NAALADL2: variants seen among roughly 807,000 people sequenced by gnomAD.
NAALADL2 encodes inactive N-acetylated-alpha-linked acidic dipeptidase-like protein 2.
In NAALADL2, 76 loss-of-function variants were observed where a neutral mutation model predicts 87.2. The observed-to-expected ratio is 0.87, with a 90% CI of 0.72 to 1.05. The LOEUF is 1.05. Among genes scored for constraint, NAALADL2 ranks in the 50% least tolerant of loss-of-function variants. NAALADL2 has a pLI of 0.00. For missense variants in NAALADL2, 1,089 were observed against 945.8 expected (o/e 1.15, Z -1.99); for synonymous variants, 354 against 331.0 (o/e 1.07, Z -0.75).
intron 9 of NAALADL2, among the ~76,000 whole-genome samples, chr3:175,482,960 A>G (rs1446442152): frequency 1.3e-5 from 2 of 151,938 alleles, no homozygotes; most frequent in Non-Finnish European, 2.9e-5. Flanking sequence ...TTTGGACAGG[A>G]ACACCTGTTA....
At chr3:174,906,538 G>A (rs1732985931) in intron 1 of NAALADL2, among the ~76,000 whole-genome samples, 1 of 152,106 alleles carries the variant, frequency 6.6e-6, no homozygotes. Context: ...GCAAGGATTT[G>A]AAGAAAGCCT....
chr3:175,172,926 A>G (rs1158518379), intron 2 of NAALADL2, among the ~76,000 whole-genome samples: 1 of 152,152 alleles, frequency 6.6e-6, no homozygotes, highest in Non-Finnish European at 1.5e-5. Flanking sequence ...GGAGTGTTCA[A>G]GCAAAGGAAT....
At chr3:175,176,443 T>G (rs1004240421) in intron 2 of NAALADL2, among the ~76,000 whole-genome samples, 1 of 152,146 alleles carries the variant, frequency 6.6e-6, no homozygotes, top group Non-Finnish European at 1.5e-5. Flanking sequence ...AGAGAAGATA[T>G]CAGAACACAA....
intron 2 of NAALADL2, among the ~76,000 whole-genome samples, chr3:174,693,566 A>C (rs1351787608): frequency 8.5e-5 from 13 of 152,296 alleles, no homozygotes; most frequent in Admixed American, 8.5e-4. Flanking sequence ...GTATGTTGAA[A>C]AGGCTTTTGT....
At chr3:174,774,725 C>T (rs1417896202) in intron 3 of NAALADL2, among the ~76,000 whole-genome samples, 1 of 152,176 alleles carries the variant, frequency 6.6e-6, no homozygotes, top group Admixed American at 6.6e-5. Flanking sequence ...CAGGTACATA[C>T]TTACATACAC....
At chr3:175,653,430 C>A (rs2149793251) in intron 11 of NAALADL2, among the ~76,000 whole-genome samples, 1 of 152,274 alleles carries the variant, frequency 6.6e-6, no homozygotes, top group South Asian at 2.1e-4. Context: ...ACTGCTTCTT[C>A]TATATCTTCT....
At chr3:175,230,706 A>G (rs1281823852) in intron 2 of NAALADL2, among the ~76,000 whole-genome samples, 6 of 152,062 alleles carry the variant, frequency 3.9e-5, no homozygotes, top group African/African-American at 1.4e-4. Flanking sequence ...ATTACTTTAC[A>G]CTCACTACAT....
intron 10 of NAALADL2, among the ~76,000 whole-genome samples, chr3:175,622,202 A>G (rs1451667739): frequency 1.3e-5 from 2 of 152,214 alleles, no homozygotes; most frequent in East Asian, 1.9e-4. Context: ...TGTAGCTCCT[A>G]AGAAAGACTT....
chr3:174,527,625 C>G (rs1720884381), intron 1 of NAALADL2, among the ~76,000 whole-genome samples: 1 of 151,816 alleles, frequency 6.6e-6, no homozygotes, highest in South Asian at 2.1e-4. Context: ...TCTCAATTGC[C>G]AAGGAAATTT....
At chr3:174,784,361 G>T (rs780291859) in intron 3 of NAALADL2, among the ~76,000 whole-genome samples, 1 of 152,050 alleles carries the variant, frequency 6.6e-6, no homozygotes, top group Non-Finnish European at 1.5e-5. Context: ...GCGAGTCTTT[G>T]CAGTACAGCT....
At chr3:174,767,147 A>T (rs1560207785) in intron 3 of NAALADL2, among the ~76,000 whole-genome samples, 1 of 152,178 alleles carries the variant, frequency 6.6e-6, no homozygotes, top group African/African-American at 2.4e-5. Flanking sequence ...TGGTTGAAAG[A>T]TTGGTGAAAA....
chr3:175,488,822 G>A (rs981270084), intron 9 of NAALADL2, among the ~76,000 whole-genome samples: 5 of 152,180 alleles, frequency 3.3e-5, no homozygotes, highest in Admixed American at 6.6e-5. Context: ...TCCCCGGCTT[G>A]ACTAGAAGAG....
intron 13 of NAALADL2, among the ~76,000 whole-genome samples, chr3:175,796,402 T>TC (rs1753501573): frequency 6.6e-6 from 1 of 152,160 alleles, no homozygotes; most frequent in African/African-American, 2.4e-5. Context: ...TCTTTGTGCC[T>TC]CAGTTGTCTG....
intron 2 of NAALADL2, among the ~76,000 whole-genome samples, chr3:174,729,507 G>T (rs777320947): frequency 3.3e-5 from 5 of 152,000 alleles, no homozygotes; most frequent in Admixed American, 3.3e-4. Flanking sequence ...ATAAACCCTA[G>T]AAGAGACAGT....
At chr3:174,931,837 C>G (rs965114231) in intron 1 of NAALADL2, among the ~76,000 whole-genome samples, 1 of 152,150 alleles carries the variant, frequency 6.6e-6, no homozygotes, top group Non-Finnish European at 1.5e-5. Flanking sequence ...GAGACCTAAA[C>G]AAATTGTGAG....
intron 1 of NAALADL2, among the ~76,000 whole-genome samples, chr3:175,022,792 G>C (rs1462268899): frequency 6.6e-6 from 1 of 152,090 alleles, no homozygotes; most frequent in Non-Finnish European, 1.5e-5. Context: ...GAGAAAGACT[G>C]CTCAAAGCAC....
At chr3:175,770,273 G>A (rs1749318435) in intron 13 of NAALADL2, among the ~76,000 whole-genome samples, 1 of 152,158 alleles carries the variant, frequency 6.6e-6, no homozygotes, top group South Asian at 2.1e-4. Flanking sequence ...TTAGGTATGA[G>A]GATGAAGGTG....
chr3:175,397,257 T>C (rs1769922034), intron 5 of NAALADL2: 1 of 152,156 alleles, frequency 6.6e-6, no homozygotes, highest in Non-Finnish European at 1.5e-5. Context: ...AAAAATATGC[T>C]TCACAAATTT....
At chr3:175,671,021 A>C (rs1057260078) in intron 11 of NAALADL2, among the ~76,000 whole-genome samples, 1 of 151,630 alleles carries the variant, frequency 6.6e-6, no homozygotes, top group African/African-American at 2.4e-5. Context: ...ATAAGCAAAA[A>C]AGCGAGAATA....
Sources: allele counts gnomAD v4.1 joint callset (sites outside exome capture counted in the v4.1 genomes callset), GRCh38; gene constraint gnomAD v4.1.1; transcripts MANE v1.5; gene names NCBI Gene and HGNC (gene_info 2026-07-23, HGNC 2026-07-21).